STXBP5L: variants seen among roughly 807,000 people sequenced by gnomAD.
STXBP5L encodes the protein syntaxin-binding protein 5-like.
Under a neutral mutation model 144.5 loss-of-function variants are expected in STXBP5L, and 65 were observed. The ratio of observed to expected loss-of-function variants is 0.45; its 90% CI spans 0.37 to 0.55. The LOEUF is 0.55. Ranked by LOEUF, STXBP5L falls within the 20% of genes least tolerant of loss-of-function variation. The pLI is 0.00. For synonymous variants in STXBP5L, 505 were observed against 469.6 expected, an observed-to-expected ratio of 1.08 and a Z score of -0.97; for missense variants, 1,298 against 1,405.5, an observed-to-expected ratio of 0.92 and a Z score of 1.22.
chr3:121,285,301 A>T (rs763604103), intron 19 of STXBP5L, among the ~76,000 whole-genome samples: 1 of 152,086 alleles, frequency 6.6e-6, no homozygotes, highest in Non-Finnish European at 1.5e-5. Flanking sequence ...AGTCTCTCAA[A>T]GCCACACAGA....
At chr3:121,072,290 G>A (rs1220246346) in intron 5 of STXBP5L, among the ~76,000 whole-genome samples, 1 of 152,208 alleles carries the variant, frequency 6.6e-6, no homozygotes, top group Non-Finnish European at 1.5e-5. Context: ...AAGTCCACAA[G>A]CAGGTTTTCA....
At chr3:121,301,099 C>G (rs1478246223) in intron 19 of STXBP5L, among the ~76,000 whole-genome samples, 2 of 152,016 alleles carry the variant, frequency 1.3e-5, no homozygotes, top group Non-Finnish European at 2.9e-5. Context: ...CATTGGTAGC[C>G]TGATGGGGAT....
intron 2 of STXBP5L, among the ~76,000 whole-genome samples, chr3:120,952,553 A>G (rs1367189880): frequency 6.6e-6 from 1 of 152,050 alleles, no homozygotes; most frequent in Non-Finnish European, 1.5e-5. Flanking sequence ...AGCCTTTATT[A>G]TAGCCTAATG....
chr3:121,092,366 T>C (rs2042856709), intron 5 of STXBP5L, among the ~76,000 whole-genome samples: 1 of 152,144 alleles, frequency 6.6e-6, no homozygotes, highest in Non-Finnish European at 1.5e-5. Flanking sequence ...TTGGGCAGTA[T>C]GGCCATTTTC....
intron 13 of STXBP5L, among the ~76,000 whole-genome samples, chr3:121,239,913 A>G (rs1314184656): frequency 1.3e-5 from 2 of 152,028 alleles, no homozygotes; most frequent in Non-Finnish European, 2.9e-5. Flanking sequence ...AGGTCTTCCT[A>G]GTTTATAATT....
chr3:121,017,153 C>G (rs9828540), intron 3 of STXBP5L, among the ~76,000 whole-genome samples: 1 of 152,004 alleles, frequency 6.6e-6, no homozygotes, highest in Non-Finnish European at 1.5e-5. Flanking sequence ...TTAATGTAAA[C>G]CATCACACCA....
chr3:121,237,205 C>T (rs1436110761), intron 12 of STXBP5L, among the ~76,000 whole-genome samples: 4 of 152,208 alleles, frequency 2.6e-5, no homozygotes. Context: ...CCTCTGATAT[C>T]TAGGGGGCAG....
intron 14 of STXBP5L, among the ~76,000 whole-genome samples, chr3:121,242,717 A>G (rs905351277): frequency 2.6e-5 from 4 of 152,186 alleles, no homozygotes; most frequent in African/African-American, 9.7e-5. Flanking sequence ...ATGACCAACT[A>G]TATGTTATCT....
intron 3 of STXBP5L, among the ~76,000 whole-genome samples, chr3:121,010,809 A>G (rs1944718417): frequency 6.6e-6 from 1 of 151,840 alleles, no homozygotes; most frequent in African/African-American, 2.4e-5. Flanking sequence ...ATTTAGTGGA[A>G]GTAGATTGTC....
intron 1 of STXBP5L, among the ~76,000 whole-genome samples, chr3:120,908,741 G>A (rs897219155): frequency 6.6e-6 from 1 of 151,698 alleles, no homozygotes; most frequent in Non-Finnish European, 1.5e-5. Flanking sequence ...CGTGCAGCGG[G>A]GAGAGCGGAC....
intron 23 of STXBP5L, 25 bp from the exon 24 acceptor site, chr3:121,413,133 T>G: frequency 6.5e-7 from 1 of 1,541,682 alleles, no homozygotes; most frequent in South Asian, 1.3e-5. Context: ...GCATATGATA[T>G]ATGGATTTAC....
chr3:121,155,386 C>T (rs1263089668), intron 8 of STXBP5L, among the ~76,000 whole-genome samples: 1 of 151,792 alleles, frequency 6.6e-6, no homozygotes, highest in East Asian at 1.9e-4. Context: ...AGGTCTTTAG[C>T]CCCTGTAAAA....
chr3:121,093,809 G>T (rs2042960649), intron 5 of STXBP5L, among the ~76,000 whole-genome samples: 2 of 152,100 alleles, frequency 1.3e-5, no homozygotes, highest in Non-Finnish European at 1.5e-5. Context: ...CTTGCCTTCT[G>T]CTAGCTTTTG....
chr3:121,171,928 A>C (rs1349282018), intron 9 of STXBP5L, among the ~76,000 whole-genome samples: 2 of 152,232 alleles, frequency 1.3e-5, no homozygotes, highest in Non-Finnish European at 2.9e-5. Flanking sequence ...AGCTGGAGGC[A>C]TCACACTACT....
intron 5 of STXBP5L, among the ~76,000 whole-genome samples, chr3:121,058,994 A>G (rs947572557): frequency 1.3e-5 from 2 of 151,986 alleles, no homozygotes; most frequent in Admixed American, 1.3e-4. Flanking sequence ...CCATTTGTCA[A>G]TTTTGCCTTT....
rs1947171919 is a variant in STXBP5L, at chr3:121,041,722, T to A, written c.310T>A (p.Cys104Ser). ...TAGACTCGGGAGACCTGGTGTTGAT[T>A]GCTATTGCCAACATGAAAGTGGTGC... ...IRILGRPGVD[C>S]YCQHESGAAV... Residue 104 changes from cysteine (C) to serine (S), a missense_variant, in exon 4 of 27, where the codon TGC (cysteine) becomes AGC (serine). Coordinates refer to ENST00000471454, the MANE Select transcript of STXBP5L (RefSeq NM_001308330.2). 2 of 1,612,590 alleles carry A rather than the reference T, an allele frequency of 1.2e-6. No homozygotes were observed.
intron 3 of STXBP5L, among the ~76,000 whole-genome samples, chr3:121,036,587 C>T (rs1321515686): frequency 6.6e-6 from 1 of 151,980 alleles, no homozygotes; most frequent in Non-Finnish European, 1.5e-5. Context: ...TATTGTTCCT[C>T]TTGCTGTTAA....
At chr3:121,264,794 A>C (rs1490908067) in intron 18 of STXBP5L, among the ~76,000 whole-genome samples, 1 of 130,268 alleles carries the variant, frequency 7.7e-6, no homozygotes, top group East Asian at 2.4e-4. Flanking sequence ...TTACCAAGCT[A>C]ATGGAAAGCA....
chr3:121,162,730 A>T (rs1276224715), intron 9 of STXBP5L, among the ~76,000 whole-genome samples: 1 of 152,176 alleles, frequency 6.6e-6, no homozygotes. Context: ...ACAAGAAAAA[A>T]ATCAAACAAC....
Sources: gnomAD v4.1 joint callset for allele counts (sites outside exome capture counted in the v4.1 genomes callset) on GRCh38, gnomAD v4.1.1 for gene constraint, MANE v1.5 for transcripts, NCBI Gene and HGNC (gene_info 2026-07-23, HGNC 2026-07-21) for gene names.